NISCH: variants seen among roughly 807,000 people sequenced by gnomAD.
NISCH encodes the protein I-1 receptor candidate protein.
In NISCH, 55 loss-of-function variants were observed where a neutral mutation model predicts 138.4. The ratio of observed to expected loss-of-function variants is 0.40; its 90% CI spans 0.32 to 0.50. The LOEUF (loss-of-function observed/expected upper bound fraction) is 0.50. NISCH is among the 20% of genes least tolerant of loss of function. The probability of loss-of-function intolerance (pLI) is 0.71; values close to 1 mark genes in which losing one functional copy is unlikely to be tolerated. For synonymous variants in NISCH, 860 were observed against 861.5 expected (o/e 1.00, Z 0.03); for missense variants, 1,643 against 2,005.5 (o/e 0.82, Z 3.45).
chr3:52,489,812 G>A, intron 17 of NISCH, 134 bp downstream of exon 17: 2 of 1,433,666 alleles, frequency 1.4e-6, no homozygotes, highest in Non-Finnish European at 1.8e-6. Flanking sequence ...TCACAGCTTT[G>A]AGGACCTGGG....
chr3:52,484,412 G>A (rs1051910579), intron 13 of NISCH, 101 bp from the exon 14 acceptor site: 14 of 1,178,438 alleles, frequency 1.2e-5, no homozygotes, highest in South Asian at 2.9e-5. Context: ...GCTAACCCCC[G>A]CCATGCCAGT....
intron 1 of NISCH, among the ~76,000 whole-genome samples, chr3:52,456,292 A>G (rs541805724): frequency 3.0e-4 from 46 of 152,060 alleles, no homozygotes; most frequent in Non-Finnish European, 4.6e-4. Flanking sequence ...GGGCGGAGAC[A>G]AGACCGGAGG....
intron 13 of NISCH, 47 bp downstream of exon 13, chr3:52,480,342 C>T: frequency 6.8e-6 from 11 of 1,608,506 alleles, no homozygotes; most frequent in Non-Finnish European, 9.3e-6. Flanking sequence ...ACAGCCCTGC[C>T]TGGGCCCCCT....
intron 8 of NISCH, among the ~76,000 whole-genome samples, chr3:52,477,249 C>T (rs535420902): frequency 5.3e-5 from 8 of 152,138 alleles, no homozygotes; most frequent in Non-Finnish European, 1.0e-4. Flanking sequence ...GAGTGTCGTT[C>T]CCGTGTTTGC....
At chr3:52,479,202 G>A (rs1384181145) in intron 11 of NISCH, among the ~76,000 whole-genome samples, 3 of 152,142 alleles carry the variant, frequency 2.0e-5, no homozygotes, top group Non-Finnish European at 2.9e-5. Flanking sequence ...CCAGGCCACA[G>A]AGTGTCAGCT....
chr3:52,463,500 T>C (rs1374579285), intron 3 of NISCH, among the ~76,000 whole-genome samples: 1 of 152,206 alleles, frequency 6.6e-6, no homozygotes, highest in Non-Finnish European at 1.5e-5. Flanking sequence ...ATGGTAACTA[T>C]GTTTGACTTT....
Position 52,492,656 on chromosome 3 carries a change from G to T in NISCH, c.*174G>T. The T allele has an allele frequency of 1.1e-6, 1 of 941,194 alleles. No homozygotes were observed. Among genetic ancestry groups the T allele is most frequent in the Non-Finnish European group, 1.5e-6 (1 of 652,782 alleles). The allele number at this position is 941,194 out of a possible 1,614,324, so 58.3% of individuals were successfully genotyped here. On this transcript the variant is annotated 3_prime_UTR_variant, in exon 21 of 21. Coordinates refer to ENST00000345716, the MANE Select transcript of NISCH (RefSeq NM_007184.4). Reference sequence around the variant, plus strand: ...GTTAATTCTTTCTCATGTTGGGAGTGAGAATGCCGGGCCCCTCAGGGCTGT... The same window carrying T: ...GTTAATTCTTTCTCATGTTGGGAGTTAGAATGCCGGGCCCCTCAGGGCTGT...
At chr3:52,488,677 G>A in intron 16 of NISCH, 72 bp downstream of exon 16, 2 of 1,292,320 alleles carry the variant, frequency 1.5e-6, no homozygotes, top group Non-Finnish European at 2.1e-6. Flanking sequence ...AGCATCTGCG[G>A]CTAGTGTGGG....
chr3:52,476,527 C>T lies in NISCH; in HGVS notation c.846C>T (p.Val282=). ...GTTLEGPVTA[V]IPTWQALTTL... is the part of the protein sequence containing the mutation. ...CCCTAGAAGGCCCTGTGACTGCCGT[C>T]ATCCCCACTTGGCAGGCATTGACCA... The change falls in exon 8 of 21, where the codon GTC becomes GTT. Residue 282 remains valine, a synonymous_variant. Coordinates refer to ENST00000345716, the MANE Select transcript of NISCH (RefSeq NM_007184.4). The T allele has an allele frequency of 1.9e-6, 3 of 1,614,144 alleles. No homozygotes were observed. The highest frequency in any genetic ancestry group is 4.5e-5 in the East Asian group (2 of 44,888).
chr3:52,472,383 C>A lies in NISCH; in HGVS notation c.654C>A (p.Ser218=), dbSNP rs777743114. 6.2e-7 allele frequency: 1 copy of A among 1,614,098 alleles called. No individual in the cohort carries two copies. The highest frequency in any genetic ancestry group is 1.3e-5 in the African/African-American group (1 of 75,050). Residue 218 remains serine (S), a synonymous_variant, in exon 6 of 21, where the codon TCC becomes TCA. Transcript: ENST00000345716. ...CGTTCGACCTATCAATATTCAAGTC[C>A]CTGCATCAGGTGGAGGTAAGGCCCA... ...LLPFDLSIFK[S]LHQVEISHCD...
At position 52,492,140 on chromosome 3, in the gene NISCH, A is replaced by T; in HGVS notation, c.4173A>T (p.Pro1391=). ...TGGATGAGGACTGTGTCCACTACCC[A>T]CTGCCCGAGTTTGCCAAAGAGCCGC... ...FLLDEDCVHY[P]LPEFAKEPPQ... is the part of the protein sequence containing the mutation. The change falls in exon 21 of 21, where the codon CCA becomes CCT. Residue 1391 remains proline, a synonymous_variant. Coordinates refer to ENST00000345716, the MANE Select transcript of NISCH (RefSeq NM_007184.4). 1 of 1,612,924 alleles carries T rather than the reference A, an allele frequency of 6.2e-7. No homozygotes were observed. Among genetic ancestry groups the T allele is most frequent in the Non-Finnish European group, 8.5e-7 (1 of 1,179,996 alleles).
intron 18 of NISCH, among the ~76,000 whole-genome samples, chr3:52,490,484 C>G (rs1349970078): frequency 6.6e-6 from 1 of 152,214 alleles, no homozygotes; most frequent in Non-Finnish European, 1.5e-5. Flanking sequence ...AGGGGTTAGG[C>G]AGCCTTTGCC....
At chr3:52,478,990 C>T (rs1707185513) in intron 11 of NISCH, among the ~76,000 whole-genome samples, 1 of 152,170 alleles carries the variant, frequency 6.6e-6, no homozygotes, top group Non-Finnish European at 1.5e-5. Context: ...TCACCCATCG[C>T]CTGGGCCTGG....
chr3:52,473,091 G>A (rs1462539423), intron 6 of NISCH, among the ~76,000 whole-genome samples: 4 of 152,174 alleles, frequency 2.6e-5, no homozygotes, highest in African/African-American at 4.8e-5. Context: ...GTTAATGAGC[G>A]GAAACCTGGG....
In NISCH at chr3:52,476,568, A is replaced by G; in HGVS notation, c.887A>G (p.His296Arg). 2 of 1,614,210 alleles carry G rather than the reference A, an allele frequency of 1.2e-6. No individual in the cohort carries two copies. The highest frequency in any genetic ancestry group is 1.7e-6 in the Non-Finnish European group (2 of 1,180,034). The change falls in exon 8 of 21, where the codon CAC (histidine) becomes CGC (arginine). Residue 296 changes from histidine to arginine, a missense_variant. His to Arg is a conservative substitution (Grantham distance 29). Transcript: ENST00000345716. Reference sequence around the variant, plus strand: ...GCATTGACCACGCTTGACCTGAGCCACAACAGCGTCTCCGAGATCGACGAG... The same window carrying G: ...GCATTGACCACGCTTGACCTGAGCCGCAACAGCGTCTCCGAGATCGACGAG... ...WQALTTLDLSHNSVSEIDESV... is the reference protein window; with the variant it reads ...WQALTTLDLSRNSVSEIDESV...
intron 4 of NISCH, chr3:52,471,324 C>A: frequency 3.7e-6 from 1 of 271,892 alleles, no homozygotes. Flanking sequence ...ACGGGGTCAG[C>A]GGCCCAGTCA....
Position 52,492,368 on chromosome 3 carries a change from C to T in NISCH, c.4401C>T (p.Val1467=). ...GPARASQGRE[V]QWQVFVPSAE... is the part of the protein sequence containing the mutation. Reference sequence around the variant, plus strand: ...CTAGAGCCAGCCAGGGCCGTGAAGTCCAGTGGCAGGTGTTTGTCCCCAGTG... The same window carrying T: ...CTAGAGCCAGCCAGGGCCGTGAAGTTCAGTGGCAGGTGTTTGTCCCCAGTG... Residue 1467 remains valine (V), a synonymous_variant, in exon 21 of 21, where the codon GTC becomes GTT. Transcript: ENST00000345716. 6.2e-7 allele frequency: 1 copy of T among 1,613,362 alleles called. No homozygotes were observed. The highest frequency in any genetic ancestry group is 8.5e-7 in the Non-Finnish European group (1 of 1,180,032).
intron 1 of NISCH, among the ~76,000 whole-genome samples, chr3:52,457,010 C>T (rs1415902776): frequency 6.6e-6 from 1 of 152,188 alleles, no homozygotes; most frequent in East Asian, 1.9e-4. Context: ...CCTCTGTCTC[C>T]GGGTGTGCCG....
At chr3:52,484,828 G>C (rs1288305037) in intron 14 of NISCH, among the ~76,000 whole-genome samples, 191 bp downstream of exon 14, 3 of 151,908 alleles carry the variant, frequency 2.0e-5, no homozygotes, top group Non-Finnish European at 2.9e-5. Context: ...CAAACACAGT[G>C]GTTAAGGGTT....
Sources: allele counts gnomAD v4.1 joint callset (sites outside exome capture counted in the v4.1 genomes callset), GRCh38; gene constraint gnomAD v4.1.1; transcripts MANE v1.5; gene names NCBI Gene and HGNC (gene_info 2026-07-23, HGNC 2026-07-21).